The following UBP1 variants were observed in gnomAD, a reference collection of about 807,000 sequenced individuals.
UBP1 encodes the protein upstream binding protein 1.
A neutral mutation model predicts 76.1 loss-of-function variants in UBP1; 22 were observed. The ratio of observed to expected loss-of-function variants is 0.29; its 90% CI spans 0.21 to 0.41. The LOEUF (loss-of-function observed/expected upper bound fraction) is 0.41, where lower values mean the gene tolerates loss of function less well. Among genes scored for constraint, UBP1 ranks in the 10% least tolerant of loss-of-function variants. UBP1 has a pLI of 1.00. For synonymous variants in UBP1, 224 were observed against 237.1 expected (o/e 0.94, Z 0.51); for missense variants, 436 against 668.1 (o/e 0.65, Z 3.83).
In UBP1 at chr3:33,412,786, G is replaced by A. The variant is rs531338398; in HGVS notation, c.384C>T (p.Tyr128=). 1.6e-4 allele frequency: 256 copies of A among 1,613,940 alleles called. No individual in the cohort carries two copies. The highest frequency in any genetic ancestry group is 2.1e-4 in the Non-Finnish European group (245 of 1,179,934). The change falls in exon 4 of 16, where the codon TAC becomes TAT. Residue 128 remains tyrosine (Y), a synonymous_variant. Coordinates refer to ENST00000283629, the MANE Select transcript of UBP1 (RefSeq NM_014517.5). ...RVVFHDRRLQ[Y]TEHQQLEGWK... is the part of the protein sequence containing the mutation. ...ATCCTTCAAGTTGCTGATGCTCTGT[G>A]TATTGTAGCCGTCTGTCATGGAATA...
chr3:33,441,252 G>A (rs946668303), upstream of UBP1: 4 of 152,294 alleles, frequency 2.6e-5, no homozygotes, highest in Non-Finnish European at 5.9e-5. Flanking sequence ...GAAAGCAGGA[G>A]CCAGAGGCTG....
At chr3:33,406,400 C>T (rs919919049) in intron 8 of UBP1, among the ~76,000 whole-genome samples, 16 of 152,230 alleles carry the variant, frequency 1.1e-4, no homozygotes, top group African/African-American at 3.4e-4. Flanking sequence ...CTCACCTCTA[C>T]TATCTGAAAG....
chr3:33,403,034 TCA>T, intron 8 of UBP1, 130 bp from the exon 9 acceptor site: 3 of 794,812 alleles, frequency 3.8e-6, no homozygotes, highest in Non-Finnish European at 6.0e-6. Context: ...TCAAGCAACC[TCA>T]CAGACACATG....
chr3:33,392,636 G>T, intron 14 of UBP1, 22 bp from the exon 15 acceptor site: 3 of 1,592,258 alleles, frequency 1.9e-6, no homozygotes, highest in Non-Finnish European at 2.6e-6. Flanking sequence ...AAGTAAATGC[G>T]TAAGTACAAT....
chr3:33,414,822 C>G (rs868318), intron 3 of UBP1, among the ~76,000 whole-genome samples: 38,853 of 151,866 alleles, frequency 0.26, 5,844 homozygotes, highest in East Asian at 0.47. Context: ...AAAAATGAAC[C>G]CTTTTCAATC....
intron 11 of UBP1, chr3:33,398,285 C>CCTA (rs2044086116): frequency 6.6e-6 from 1 of 152,238 alleles, no homozygotes; most frequent in South Asian, 2.1e-4. Context: ...AATGCAATAG[C>CCTA]CTACTAAATT....
chr3:33,422,428 A>G (rs1214512632), intron 2 of UBP1, among the ~76,000 whole-genome samples: 2 of 151,942 alleles, frequency 1.3e-5, no homozygotes, highest in Non-Finnish European at 2.9e-5. Flanking sequence ...AGGAAAGAAG[A>G]AAAAAAGGCC....
At chr3:33,439,157 A>AGGC (rs2045247057) in intron 1 of UBP1, among the ~76,000 whole-genome samples, 1 of 152,240 alleles carries the variant, frequency 6.6e-6, no homozygotes, top group Non-Finnish European at 1.5e-5. Context: ...AAGAGGAAAC[A>AGGC]GCCTGAGAGG....
intron 1 of UBP1, among the ~76,000 whole-genome samples, chr3:33,426,357 G>A (rs1387982384): frequency 1.3e-5 from 2 of 151,904 alleles, no homozygotes; most frequent in East Asian, 3.9e-4. Flanking sequence ...AATAACCTGG[G>A]GCACTGATTG....
chr3:33,416,722 C>T, intron 3 of UBP1, 36 bp downstream of exon 3: 1 of 1,470,262 alleles, frequency 6.8e-7, no homozygotes, highest in Non-Finnish European at 9.4e-7. Flanking sequence ...TCAATCACAG[C>T]AATATCCATT....
chr3:33,393,425 T>A lies in UBP1; in HGVS notation c.1420A>T (p.Ile474Phe). ...AGTTTTCGAGCAACTTCTGAGGCAA[T>A]CATTTCTTCCAAGTAGATTGCATGA... ...VYHAIYLEEM[I>F]ASEVARKLAL... Residue 474 changes from isoleucine to phenylalanine, a missense_variant, in exon 14 of 16, where the codon ATT becomes TTT. This residue lies in a region of UBP1 where 210 missense variants were observed against 272.8 expected (regional missense o/e 0.77). Coordinates refer to ENST00000283629, the MANE Select transcript of UBP1 (RefSeq NM_014517.5). 1.9e-6 allele frequency: 3 copies of A among 1,610,554 alleles called. No homozygotes were observed. The highest frequency in any genetic ancestry group is 2.5e-6 in the Non-Finnish European group (3 of 1,178,906).
Position 33,440,023 on chromosome 3 carries a change from C to A in UBP1, c.-175G>T. ...CGGGGGCCCCACTGGCAGGGCACGA[C>A]GAGCCCAGCGAGCAATTGCAGCGGG... On this transcript the variant is annotated 5_prime_UTR_variant, in exon 1 of 16. Coordinates refer to ENST00000283629, the MANE Select transcript of UBP1 (RefSeq NM_014517.5). The A allele has an allele frequency of 1.8e-6, 1 of 556,660 alleles. No individual in the cohort carries two copies. Among genetic ancestry groups the A allele is most frequent in the East Asian group, 3.5e-5 (1 of 28,632 alleles). 34.5% of individuals were successfully genotyped at this position (556,660 alleles called of 1,614,324 possible).
At chr3:33,424,746 CTT>C (rs1452701060) in intron 2 of UBP1, among the ~76,000 whole-genome samples, 1 of 152,210 alleles carries the variant, frequency 6.6e-6, no homozygotes, top group Non-Finnish European at 1.5e-5. Flanking sequence ...AAACTCTCCT[CTT>C]TCCAAAGATA....
chr3:33,406,797 C>A (rs1426763450), intron 8 of UBP1, among the ~76,000 whole-genome samples: 1 of 152,070 alleles, frequency 6.6e-6, no homozygotes, highest in Non-Finnish European at 1.5e-5. Flanking sequence ...GAATGATCAC[C>A]CATTTTAGGC....
At chr3:33,390,899 C>T (rs933875447) in intron 15 of UBP1, 3 of 150,746 alleles carry the variant, frequency 2.0e-5, no homozygotes, top group Non-Finnish European at 2.9e-5. Context: ...TTTCTCATGA[C>T]GACAAAGTTT....
chr3:33,433,343 G>A (rs2045145936), intron 1 of UBP1, among the ~76,000 whole-genome samples: 1 of 141,798 alleles, frequency 7.1e-6, no homozygotes, highest in South Asian at 2.3e-4. Context: ...TTACAGGTGT[G>A]AGCCACCGCG....
intron 4 of UBP1, 37 bp downstream of exon 4, chr3:33,412,685 A>T: frequency 1.5e-6 from 2 of 1,291,690 alleles, no homozygotes; most frequent in Non-Finnish European, 2.3e-6. Flanking sequence ...GCTAAACAAT[A>T]CCCTCATCTC....
Position 33,397,099 on chromosome 3 carries a change from A to G in UBP1, c.1217T>C (p.Val406Ala). The G allele has an allele frequency of 6.2e-7, 1 of 1,602,670 alleles. No homozygotes were observed. Residue 406 changes from valine (V) to alanine (A), a missense_variant, in exon 12 of 16, where the codon GTT (valine) becomes GCT (alanine). Val to Ala is a moderately conservative substitution (Grantham distance 64). Transcript: ENST00000283629. ...TCCATCGGCTGCACCACAAATTTGA[A>G]CTAAATCCTCCTTTGTCAGTTTTAA... is the stretch of plus-strand genomic sequence containing the variant. ...DLLKLTKEDL[V>A]QICGAADGIR...
intron 1 of UBP1, among the ~76,000 whole-genome samples, chr3:33,430,360 G>C (rs1051393058): frequency 1.3e-5 from 2 of 152,154 alleles, no homozygotes; most frequent in African/African-American, 4.8e-5. Context: ...GAAAGTACTG[G>C]TTAGCTTCTC....
Sources: gnomAD v4.1 joint callset for allele counts (sites outside exome capture counted in the v4.1 genomes callset) on GRCh38, gnomAD v4.1.1 for gene constraint, gnomAD v4.1.1 regional missense constraint, MANE v1.5 for transcripts, NCBI Gene and HGNC (gene_info 2026-07-23, HGNC 2026-07-21) for gene names.